The following VWF variants were observed in gnomAD, a reference collection of about 807,000 sequenced individuals.
VWF encodes Factor VIII related antigen.
In VWF, 176 loss-of-function variants were observed where a neutral mutation model predicts 308.6. The observed-to-expected ratio is 0.57, with a 90% CI of 0.50 to 0.65. The LOEUF (loss-of-function observed/expected upper bound fraction) is 0.65. VWF is among the 30% of genes least tolerant of loss of function. The pLI is 0.00. For missense variants in VWF, 3,146 were observed against 3,648.2 expected (o/e 0.86, Z 3.55); for synonymous variants, 1,385 against 1,443.4 (o/e 0.96, Z 0.92).
At chr12:6,108,320 AAGAAAG>A (rs1384316627) in intron 5 of VWF, among the ~76,000 whole-genome samples, 1 of 96,184 alleles carries the variant, frequency 1.0e-5, no homozygotes, top group Non-Finnish European at 2.4e-5. Context: ...GAAAGAAAGA[AAGAAAG>A]AAATATATAC....
intron 34 of VWF, among the ~76,000 whole-genome samples, chr12:5,997,601 T>C (rs1175258617): frequency 6.6e-6 from 1 of 152,244 alleles, no homozygotes; most frequent in African/African-American, 2.4e-5. Flanking sequence ...TTGTGAGAAT[T>C]AGTTGCAATA....
chr12:5,969,733 G>A (rs150919293), intron 44 of VWF, among the ~76,000 whole-genome samples: 5 of 152,330 alleles, frequency 3.3e-5, no homozygotes, highest in African/African-American at 7.2e-5. Flanking sequence ...AGGTGCAGCC[G>A]GGAAGCTCAA....
chr12:6,063,037 G>A lies in VWF; in HGVS notation c.1450C>T (p.His484Tyr), dbSNP rs199771680. 5.0e-6 allele frequency: 8 copies of A among 1,613,276 alleles called. No homozygotes were observed. The highest frequency in any genetic ancestry group is 1.3e-5 in the African/African-American group (1 of 74,922). ...PLLKGDLRIQ[H>Y]TVTASVRLSY... ...AGGCGCACGGAGGCCGTCACTGTATGCTGGATGCGGAGGTCACCTGGAACC... is the reference window on the plus strand; with the variant it reads ...AGGCGCACGGAGGCCGTCACTGTATACTGGATGCGGAGGTCACCTGGAACC... The change falls in exon 13 of 52, where the codon CAT becomes TAT. Residue 484 changes from histidine (H) to tyrosine (Y), a missense_variant. By Grantham distance (83) the His-to-Tyr change is moderately conservative. Around this residue, in one of 3 missense-constraint regions of VWF, gnomAD observed 1,304 missense variants for 1,353.0 expected, o/e 0.96. Coordinates refer to ENST00000261405, the MANE Select transcript of VWF (RefSeq NM_000552.5). This position sits in a 1 kb window ranked among gnomAD's most constrained non-coding sequence, Gnocchi z 4.9.
chr12:6,005,757 C>G (rs1395996273), intron 34 of VWF, among the ~76,000 whole-genome samples: 1 of 152,162 alleles, frequency 6.6e-6, no homozygotes. Flanking sequence ...AATACTCTGT[C>G]TAGCAAAACT....
At chr12:5,953,650 T>C in intron 47 of VWF, 56 bp from the exon 48 acceptor site, 2 of 1,431,316 alleles carry the variant, frequency 1.4e-6, no homozygotes, top group East Asian at 2.3e-5. Context: ...ACATCCCAAT[T>C]GTAAGTAGGC....
chr12:5,977,964 C>T (rs1485187315), intron 42 of VWF, among the ~76,000 whole-genome samples: 1 of 148,606 alleles, frequency 6.7e-6, no homozygotes, highest in East Asian at 1.9e-4. Flanking sequence ...CAGAGTAAGA[C>T]TCCTGGGAAT....
In VWF at chr12:5,994,221, C is replaced by T. The variant is rs1565822912; in HGVS notation, c.6257-18G>A. 2 of 1,612,926 alleles carry T rather than the reference C, an allele frequency of 1.2e-6. No homozygotes were observed. Among genetic ancestry groups the T allele is most frequent in the East Asian group, 2.2e-5 (1 of 44,870 alleles). On this transcript the variant is annotated intron_variant, in intron 36 of 51. Transcript: ENST00000261405. ...ACAGATCCCTAGAGAAACAAACAAA[C>T]AAAAAAAAGATAAACTGAGTGGCCC...
intron 34 of VWF, among the ~76,000 whole-genome samples, chr12:6,006,146 G>A (rs905000674): frequency 3.9e-5 from 6 of 152,262 alleles, no homozygotes; most frequent in Admixed American, 6.5e-5. Flanking sequence ...TAGAGTTTTC[G>A]TGAGCAATTG....
At chr12:6,041,424 C>T (rs543204050) in intron 18 of VWF, among the ~76,000 whole-genome samples, 146 of 151,346 alleles carry the variant, frequency 9.6e-4, no homozygotes, top group African/African-American at 3.4e-3. Flanking sequence ...AGCAAAACTC[C>T]GTCTCAAAAA....
At chr12:6,025,732 T>A in intron 23 of VWF, 39 bp from the exon 24 acceptor site, 1 of 1,353,646 alleles carries the variant, frequency 7.4e-7, no homozygotes, top group South Asian at 1.2e-5. Flanking sequence ...CGTCAGCTGG[T>A]CAAACTGGGG....
chr12:6,037,616 A>G (rs1250392046), intron 18 of VWF, among the ~76,000 whole-genome samples: 1 of 152,148 alleles, frequency 6.6e-6, no homozygotes, highest in Non-Finnish European at 1.5e-5. Flanking sequence ...TCCCGACTCC[A>G]AGGGGCAGCC....
chr12:5,978,270 A>G (rs1943554141), intron 42 of VWF, among the ~76,000 whole-genome samples: 4 of 151,574 alleles, frequency 2.6e-5, no homozygotes, highest in Admixed American at 2.6e-4. Context: ...TTATGTATTT[A>G]TTTATTTTTT....
At chr12:6,066,200 A>G (rs762997287) in intron 10 of VWF, among the ~76,000 whole-genome samples, 50 of 151,864 alleles carry the variant, frequency 3.3e-4, no homozygotes, top group Admixed American at 7.9e-4. Flanking sequence ...GAGATCACAC[A>G]TCCTGGAAGG....
rs1228749584 is a variant in VWF, at chr12:6,075,390, C to CCGGGCGTACTCCAGGAGGGCAGGG, written c.795_818dup (p.Pro266_Arg273dup). The CCGGGCGTACTCCAGGAGGGCAGGG allele has an allele frequency of 6.2e-7, 1 of 1,614,138 alleles. No individual in the cohort carries two copies. Among genetic ancestry groups the CCGGGCGTACTCCAGGAGGGCAGGG allele is most frequent in the East Asian group, 2.2e-5 (1 of 44,880 alleles). ...GCACCATTCCCTCCTGGGCACAGGT[C>CCGGGCGTACTCCAGGAGGGCAGGG]CGGGCGTACTCCAGGAGGGCAGGGC... On this transcript the variant is annotated inframe_insertion, in exon 7 of 52. Coordinates refer to ENST00000261405, the MANE Select transcript of VWF (RefSeq NM_000552.5). This position sits in a 1 kb window ranked among gnomAD's most constrained non-coding sequence, Gnocchi z 4.7.
chr12:6,112,451 T>G (rs1945317712), intron 3 of VWF, among the ~76,000 whole-genome samples: 1 of 152,046 alleles, frequency 6.6e-6, no homozygotes, highest in Non-Finnish European at 1.5e-5. Flanking sequence ...CCTTGGAGAC[T>G]GAGAAATTAA....
chr12:6,046,823 G>A lies in VWF; in HGVS notation c.2187-6C>T. The A allele has an allele frequency of 6.2e-7, 1 of 1,613,814 alleles. No individual in the cohort carries two copies. The highest frequency in any genetic ancestry group is 1.1e-5 in the South Asian group (1 of 91,082). The stretch of plus-strand genomic sequence containing the variant: ...TGAAGCCATCCTCACAGTAGCTGCA[G>A]AGAAGAAAATCATAGCCGAGCTTCA... On this transcript the variant is annotated splice_region_variant and splice_polypyrimidine_tract_variant and intron_variant, in intron 16 of 51. Transcript: ENST00000261405. This position sits in a 1 kb window ranked among gnomAD's most constrained non-coding sequence, Gnocchi z 5.0.
chr12:6,052,036 G>A (rs142145264), intron 16 of VWF, among the ~76,000 whole-genome samples: 2 of 152,264 alleles, frequency 1.3e-5, no homozygotes, highest in African/African-American at 4.8e-5. Flanking sequence ...TGTTGAAACC[G>A]ACTGTCACAG....
chr12:6,103,413 CACGTGTGTGT>C (rs1945197112), intron 5 of VWF, among the ~76,000 whole-genome samples: 1 of 116,744 alleles, frequency 8.6e-6, no homozygotes, highest in Non-Finnish European at 1.6e-5. Flanking sequence ...TGTGTATACA[CACGTGTGTGT>C]ATACACACGT....
intron 5 of VWF, among the ~76,000 whole-genome samples, chr12:6,108,609 A>G (rs1945270491): frequency 6.6e-6 from 1 of 151,756 alleles, no homozygotes; most frequent in African/African-American, 2.4e-5. Context: ...AAAAGGCTGC[A>G]AACAAGTCTA....
Sources: gnomAD v4.1 joint callset for allele counts (sites outside exome capture counted in the v4.1 genomes callset) on GRCh38, gnomAD v4.1.1 for gene constraint, gnomAD v4.1.1 regional missense constraint, Gnocchi (gnomAD v3.1) non-coding constraint, MANE v1.5 for transcripts, NCBI Gene and HGNC (gene_info 2026-07-23, HGNC 2026-07-21) for gene names.